LRTM2: variants seen among roughly 807,000 people sequenced by gnomAD.
The protein encoded by LRTM2 is leucine-rich repeat and transmembrane domain-containing protein 2.
LRTM2 carries 18 observed loss-of-function variants against 28.1 expected under a neutral mutation model. That is an observed-to-expected ratio of 0.64 (90% CI 0.44 to 0.95). The LOEUF is 0.95. Ranked by LOEUF, LRTM2 falls within the 40% of genes least tolerant of loss-of-function variation. LRTM2 has a pLI of 0.00. For missense variants in LRTM2, 436 were observed against 497.2 expected, an observed-to-expected ratio of 0.88 and a Z score of 1.17; for synonymous variants, 250 against 218.7, an observed-to-expected ratio of 1.14 and a Z score of -1.26.
At chr12:1,822,488 C>T (rs1864145608) in intron 1 of LRTM2, among the ~76,000 whole-genome samples, 1 of 146,514 alleles carries the variant, frequency 6.8e-6, no homozygotes, top group South Asian at 2.1e-4. Flanking sequence ...CACCCTGAGC[C>T]CGGCCCCAGG....
At chr12:1,831,563 G>T in intron 4 of LRTM2, 38 bp downstream of exon 4, 2 of 1,540,874 alleles carry the variant, frequency 1.3e-6, no homozygotes, top group Non-Finnish European at 1.8e-6. Context: ...CGAGGGATTG[G>T]GACGATCACC....
In LRTM2 at chr12:1,829,710, ACAG is replaced by A. The variant is rs1864531463; in HGVS notation, c.68-1223_68-1221del. On this transcript the variant is annotated intron_variant, in intron 3 of 4. Coordinates refer to ENST00000299194, the MANE Select transcript of LRTM2 (RefSeq NM_001039029.3). This position sits in a 1 kb window ranked among gnomAD's most constrained non-coding sequence, Gnocchi z 4.2. ...GCCCATCGGCCCACCCCGACCTGGG[ACAG>A]CCAGGTCCCAGGTCCCATGTCAGGG... Among the ~76,000 whole-genome samples the A allele has an allele frequency of 6.9e-6, 1 of 145,260 alleles. No individual in the cohort carries two copies. The highest frequency in any genetic ancestry group is 6.9e-5 in the Admixed American group (1 of 14,590).
rs540612893 is a variant in LRTM2, at chr12:1,829,167, T to TG, written c.67+958dup. 7.8e-3 allele frequency among the ~76,000 whole-genome samples: 1,192 copies of TG among 151,864 alleles called. 8 individuals are homozygous for TG. The highest frequency in any genetic ancestry group is 0.028 in the African/African-American group (1,155 of 41,384). On this transcript the variant is annotated intron_variant, in intron 3 of 4. Transcript: ENST00000299194. The surrounding 1 kb of genome is among the most constrained non-coding windows in gnomAD (Gnocchi z 4.2). The stretch of plus-strand genomic sequence containing the variant: ...TATGCCACCTTGATCTCCAGGGAGG[T>TG]GGGGGGCGCAGGGAGTCGCTCTTCC...
Position 1,828,909 on chromosome 12 carries a change from G to A in LRTM2, c.67+694G>A, listed in dbSNP as rs1309488546. Among the ~76,000 whole-genome samples the A allele has an allele frequency of 3.3e-5, 5 of 152,338 alleles. No individual in the cohort carries two copies. The highest frequency in any genetic ancestry group is 5.9e-5 in the Non-Finnish European group (4 of 68,032). ...TCTTTATATGTGGCAAAGGGACCAG[G>A]TCAGCAAGGGCTGGTCTGCCCAAGG... On this transcript the variant is annotated intron_variant, in intron 3 of 4. Transcript: ENST00000299194. The surrounding 1 kb of genome is among the most constrained non-coding windows in gnomAD (Gnocchi z 4.2).
chr12:1,824,588 G>C (rs1268983711), intron 1 of LRTM2, among the ~76,000 whole-genome samples: 1 of 152,234 alleles, frequency 6.6e-6, no homozygotes, highest in African/African-American at 2.4e-5. Flanking sequence ...ATGAGGCCAT[G>C]GGACTTGCAG....
At position 1,828,301 on chromosome 12, in the gene LRTM2, CCACA is replaced by C; in HGVS notation, c.67+88_67+91del. The C allele has an allele frequency of 8.3e-7, 1 of 1,206,004 alleles. No individual in the cohort carries two copies. Among genetic ancestry groups the C allele is most frequent in the Admixed American group, 2.6e-5 (1 of 38,410 alleles). The allele number at this position is 1,206,004 out of a possible 1,614,324, so 74.7% of individuals were successfully genotyped here. A position where few individuals can be genotyped will look rare whatever the true frequency, so the allele number is the denominator to read the frequency against. On this transcript the variant is annotated intron_variant, in intron 3 of 4. Transcript: ENST00000299194. The surrounding 1 kb of genome is among the most constrained non-coding windows in gnomAD (Gnocchi z 4.2). ...TAGGTAGCGCCATATGGGACCTTAG[CCACA>C]CTCAGGCTGCAGGGAGGCCTACGCC...
At position 1,835,043 on chromosome 12, in the gene LRTM2, G is replaced by A. The variant is rs773890398; in HGVS notation, c.*322G>A. On this transcript the variant is annotated 3_prime_UTR_variant, in exon 5 of 5. Coordinates refer to ENST00000299194, the MANE Select transcript of LRTM2 (RefSeq NM_001039029.3). ...CTTCCGGACTGGGCATTCCCCTGTC[G>A]CCCTTCCTGCCCTGGGGTGGCCATA... 1.0e-5 allele frequency: 3 copies of A among 294,140 alleles called. No individual in the cohort carries two copies. Among genetic ancestry groups the A allele is most frequent in the East Asian group, 6.5e-5 (1 of 15,322 alleles). The allele number at this position is 294,140 out of a possible 1,614,324, so 18.2% of individuals were successfully genotyped here.
At position 1,833,100 on chromosome 12, in the gene LRTM2, G is replaced by A. The variant is rs191895644; in HGVS notation, c.659-1167G>A. ...TTCCCAGCACAAAAATGCATGCCATGAGAATGTGCAGTTTTCAGACTTTTT... is the reference window on the plus strand; with the variant it reads ...TTCCCAGCACAAAAATGCATGCCATAAGAATGTGCAGTTTTCAGACTTTTT... On this transcript the variant is annotated intron_variant, in intron 4 of 4. Transcript: ENST00000299194. This position sits in a 1 kb window ranked among gnomAD's most constrained non-coding sequence, Gnocchi z 4.2. 6.2e-4 allele frequency among the ~76,000 whole-genome samples: 94 copies of A among 152,372 alleles called. No homozygotes were observed. The highest frequency in any genetic ancestry group is 3.4e-3 in the Middle Eastern group (1 of 294).
rs1565692643 is a variant in LRTM2 at position 1,828,285 on chromosome 12, C to T, written c.67+70C>T. The T allele has an allele frequency of 4.6e-6, 6 of 1,311,568 alleles. No homozygotes were observed. Among genetic ancestry groups the T allele is most frequent in the Admixed American group, 2.4e-5 (1 of 41,202 alleles). The allele number at this position is 1,311,568 out of a possible 1,614,324, so 81.2% of individuals were successfully genotyped here. A position where few individuals can be genotyped will look rare whatever the true frequency, so the allele number is the denominator to read the frequency against. On this transcript the variant is annotated intron_variant, in intron 3 of 4. Coordinates refer to ENST00000299194, the MANE Select transcript of LRTM2 (RefSeq NM_001039029.3). This position sits in a 1 kb window ranked among gnomAD's most constrained non-coding sequence, Gnocchi z 4.2. ...GGTGCCGAGGTGACTGTAGGTAGCG[C>T]CATATGGGACCTTAGCCACACTCAG...
At chr12:1,827,895 C>T (rs1372701498) in intron 2 of LRTM2, 181 bp from the exon 3 acceptor site, 7 of 401,310 alleles carry the variant, frequency 1.7e-5, no homozygotes, top group Non-Finnish European at 4.4e-6. Flanking sequence ...CCTGCCCCGC[C>T]CCCATCCCAG....
In LRTM2 at chr12:1,836,544, A is replaced by AC. The variant is rs1303279149; in HGVS notation, c.*1827dup. ...CGCCTGGCATGGGCTGCTTACTGGG[A>AC]CCCCAGGCGGCCCTGGCCATGGCCA... On this transcript the variant is annotated 3_prime_UTR_variant, in exon 5 of 5. Transcript: ENST00000299194. 2 of 151,448 alleles carry AC rather than the reference A, an allele frequency of 1.3e-5. No individual in the cohort carries two copies. The highest frequency in any genetic ancestry group is 6.6e-5 in the Admixed American group (1 of 15,204). The allele number at this position is 151,448 out of a possible 1,614,324, so 9.4% of individuals were successfully genotyped here.
In LRTM2 at chr12:1,836,630, G is replaced by C. The variant is rs533330894; in HGVS notation, c.*1909G>C. On this transcript the variant is annotated 3_prime_UTR_variant, in exon 5 of 5. Transcript: ENST00000299194. Reference sequence around the variant, plus strand: ...GATCTGGGGATTTTCTAAAGGGACTGGGGGGAGGGGAGGGCATTGTCAATG... The same window carrying C: ...GATCTGGGGATTTTCTAAAGGGACTCGGGGGAGGGGAGGGCATTGTCAATG... 3 of 152,618 alleles carry C rather than the reference G, an allele frequency of 2.0e-5. No individual in the cohort carries two copies. The highest frequency in any genetic ancestry group is 4.4e-5 in the Non-Finnish European group (3 of 68,056). 9.5% of individuals were successfully genotyped at this position (152,618 alleles called of 1,614,324 possible).
rs1864713023 is a variant in LRTM2, at chr12:1,833,315, C to T, written c.659-952C>T. ...TCGGCAGGGGGTCTAGTGCCTGCAT[C>T]CAGATTTCACTGGAAGCTGAAAGAG... On this transcript the variant is annotated intron_variant, in intron 4 of 4. Coordinates refer to ENST00000299194, the MANE Select transcript of LRTM2 (RefSeq NM_001039029.3). The surrounding 1 kb of genome is among the most constrained non-coding windows in gnomAD (Gnocchi z 4.2). 6.6e-6 allele frequency among the ~76,000 whole-genome samples: 1 copy of T among 152,108 alleles called. No individual in the cohort carries two copies. Among genetic ancestry groups the T allele is most frequent in the African/African-American group, 2.4e-5 (1 of 41,402 alleles).
At chr12:1,824,379 T>A (rs1037485306) in intron 1 of LRTM2, among the ~76,000 whole-genome samples, 10 of 152,196 alleles carry the variant, frequency 6.6e-5, no homozygotes, top group African/African-American at 2.2e-4. Context: ...CACTTTGAGT[T>A]GCAATGGTCT....
intron 1 of LRTM2, among the ~76,000 whole-genome samples, chr12:1,824,410 C>T (rs1322187832): frequency 1.3e-5 from 2 of 152,224 alleles, no homozygotes; most frequent in Non-Finnish European, 2.9e-5. Flanking sequence ...CCCCATGTTT[C>T]TGGCCCTCCA....
At chr12:1,830,903 C>T (rs1029805956) in intron 3 of LRTM2, 32 bp from the exon 4 acceptor site, 1 of 1,552,644 alleles carries the variant, frequency 6.4e-7, no homozygotes, top group African/African-American at 1.4e-5. Context: ...CGTCCTATTG[C>T]TTTCTTTCCC....
intron 1 of LRTM2, among the ~76,000 whole-genome samples, chr12:1,826,615 C>G (rs887865414): frequency 1.3e-5 from 2 of 152,234 alleles, no homozygotes; most frequent in Non-Finnish European, 2.9e-5. Flanking sequence ...CCTGCGGGGC[C>G]TTCGGCAGAC....
rs1330651061 is a variant in LRTM2 at position 1,829,836 on chromosome 12, A to G, written c.68-1099A>G. Reference sequence around the variant, plus strand: ...GGTGGAACTGACCTCGGCTGGGCTGACCTGGTGGGGCTGAACTATTTTGAA... The same window carrying G: ...GGTGGAACTGACCTCGGCTGGGCTGGCCTGGTGGGGCTGAACTATTTTGAA... On this transcript the variant is annotated intron_variant, in intron 3 of 4. Transcript: ENST00000299194. This position sits in a 1 kb window ranked among gnomAD's most constrained non-coding sequence, Gnocchi z 4.2. Among the ~76,000 whole-genome samples the G allele has an allele frequency of 6.6e-6, 1 of 151,818 alleles. No homozygotes were observed. The highest frequency in any genetic ancestry group is 1.5e-5 in the Non-Finnish European group (1 of 67,938).
rs1009967361 is a variant in LRTM2 at position 1,828,223 on chromosome 12, C to T, written c.67+8C>T. ...AGTGGAGGCAAGTCTCCTGTGAGTACACCCCTGGCCTCGGAGGGGGGTGCG... is the reference window on the plus strand; with the variant it reads ...AGTGGAGGCAAGTCTCCTGTGAGTATACCCCTGGCCTCGGAGGGGGGTGCG... On this transcript the variant is annotated splice_region_variant and intron_variant, in intron 3 of 4. Transcript: ENST00000299194. This position sits in a 1 kb window ranked among gnomAD's most constrained non-coding sequence, Gnocchi z 4.2. 21 of 1,538,860 alleles carry T rather than the reference C, an allele frequency of 1.4e-5. No individual in the cohort carries two copies. The African/African-American group carries it at 1.8e-4, about 13-fold the overall frequency.
Sources: gnomAD v4.1 joint callset for allele counts (sites outside exome capture counted in the v4.1 genomes callset) on GRCh38, gnomAD v4.1.1 for gene constraint, Gnocchi (gnomAD v3.1) non-coding constraint, MANE v1.5 for transcripts, NCBI Gene and HGNC (gene_info 2026-07-23, HGNC 2026-07-21) for gene names.